The following PCDHGB4 variants were observed in gnomAD, a reference collection of about 807,000 sequenced individuals.
The protein encoded by PCDHGB4 is protocadherin gamma subfamily B, 4.
In PCDHGB4, 38 loss-of-function variants were observed where a neutral mutation model predicts 60.5. That is an observed-to-expected ratio of 0.63 (90% CI 0.48 to 0.82). The LOEUF (loss-of-function observed/expected upper bound fraction) is 0.82. Ranked by LOEUF, PCDHGB4 falls within the 40% of genes least tolerant of loss-of-function variation. The probability of loss-of-function intolerance (pLI) is 0.00; values close to 1 mark genes in which losing one functional copy is unlikely to be tolerated. For synonymous variants in PCDHGB4, 456 were observed against 509.7 expected (o/e 0.89, Z 1.42); for missense variants, 1,109 against 1,209.6 (o/e 0.92, Z 1.23).
chr5:141,469,284 A>G lies in PCDHGB4; in HGVS notation c.2398-25523A>G, dbSNP rs192391622. On this transcript the variant is annotated intron_variant, in intron 1 of 3. Transcript: ENST00000519479. ...AGAGCAAGACCCCATCTCAAAAAAT[A>G]AAACAAAATAGACTGGGCACGATGG... Among the ~76,000 whole-genome samples, 595 of 152,012 alleles carry G rather than the reference A, an allele frequency of 3.9e-3. 6 individuals are homozygous for G. The highest frequency in any genetic ancestry group is 0.011 in the Admixed American group (171 of 15,260).
chr5:141,474,405 G>C (rs2099348833), intron 1 of PCDHGB4, among the ~76,000 whole-genome samples: 1 of 152,196 alleles, frequency 6.6e-6, no homozygotes, highest in Admixed American at 6.5e-5. Context: ...AAGCTCCCCG[G>C]TGATGCCTAG....
chr5:141,414,413 C>T, intron 1 of PCDHGB4: 1 of 1,613,830 alleles, frequency 6.2e-7, no homozygotes. Flanking sequence ...ATACACAGAG[C>T]CCTTGACAGG....
intron 1 of PCDHGB4, among the ~76,000 whole-genome samples, chr5:141,473,350 G>A (rs28461214): frequency 0.13 from 19,833 of 152,204 alleles, 1,410 homozygotes; most frequent in African/African-American, 0.17. Context: ...CAGTGAGGAT[G>A]CAAGTGGCCA....
chr5:141,467,878 C>T (rs937986234), intron 1 of PCDHGB4, among the ~76,000 whole-genome samples: 8 of 151,998 alleles, frequency 5.3e-5, no homozygotes, highest in Non-Finnish European at 7.4e-5. Flanking sequence ...AGGCTGGTCT[C>T]AAACTCCTGA....
At chr5:141,428,230 C>A in intron 1 of PCDHGB4, 1 of 1,073,982 alleles carries the variant, frequency 9.3e-7, no homozygotes, top group Non-Finnish European at 1.4e-6. Flanking sequence ...CGCAGACAGC[C>A]TGCAGGAGGC....
chr5:141,393,972 C>T, intron 1 of PCDHGB4: 1 of 1,613,790 alleles, frequency 6.2e-7, no homozygotes, highest in Non-Finnish European at 8.5e-7. Flanking sequence ...CTGTTACACA[C>T]GTGATAATTT....
rs1203060261 is a variant in PCDHGB4, at chr5:141,493,037, AG to A, written c.2398-1768del. 3.3e-5 allele frequency among the ~76,000 whole-genome samples: 5 copies of A among 152,252 alleles called. No individual in the cohort carries two copies. The highest frequency in any genetic ancestry group is 2.6e-4 in the Admixed American group (4 of 15,290). ...AGATGCCAGGGTGCCCTTATGTGTG[AG>A]GAAACTACAATAGTAAAAAACACAA... is the stretch of plus-strand genomic sequence containing the variant. On this transcript the variant is annotated intron_variant, in intron 1 of 3. Transcript: ENST00000519479. This position sits in a 1 kb window ranked among gnomAD's most constrained non-coding sequence, Gnocchi z 4.3.
At chr5:141,472,003 A>T (rs1450802255) in intron 1 of PCDHGB4, among the ~76,000 whole-genome samples, 1 of 152,176 alleles carries the variant, frequency 6.6e-6, no homozygotes, top group Non-Finnish European at 1.5e-5. Context: ...CCTGCATCGT[A>T]TAGGGGCACT....
At chr5:141,398,267 T>G (rs757957397) in intron 1 of PCDHGB4, 2 of 1,435,108 alleles carry the variant, frequency 1.4e-6, no homozygotes, top group East Asian at 2.5e-5. Context: ...GGCTCCGTAG[T>G]GGGGAACCTC....
In PCDHGB4 at chr5:141,486,913, G is replaced by A. The variant is rs2099636995; in HGVS notation, c.2398-7894G>A. ...CTGGTTCCTTATGTCCCCAAGCACT[G>A]CCTCCATCAGTTGGTGCTGGCCACC... On this transcript the variant is annotated intron_variant, in intron 1 of 3. Transcript: ENST00000519479. The surrounding 1 kb of genome is among the most constrained non-coding windows in gnomAD (Gnocchi z 5.0). The A allele has an allele frequency of 1.9e-6, 3 of 1,614,092 alleles. No individual in the cohort carries two copies. The highest frequency in any genetic ancestry group is 1.3e-5 in the African/African-American group (1 of 74,938).
At chr5:141,394,850 G>GC in intron 1 of PCDHGB4, 1 of 1,613,820 alleles carries the variant, frequency 6.2e-7, no homozygotes. Flanking sequence ...GCAGTCTGAA[G>GC]CCTTCGGTCG....
chr5:141,422,062 A>C, intron 1 of PCDHGB4: 4 of 1,612,140 alleles, frequency 2.5e-6, no homozygotes, highest in Non-Finnish European at 3.4e-6. Context: ...CGGGGAAGTA[A>C]TGTATTCATT....
Position 141,389,274 on chromosome 5 carries a change from C to A in PCDHGB4, c.1390C>A (p.Pro464Thr). ...SYIVHVAENNPPGASISQVRA... is the reference protein window; with the variant it reads ...SYIVHVAENNTPGASISQVRA... ...TATAGTCCACGTGGCCGAGAACAAC[C>A]CGCCTGGAGCCTCTATTTCACAAGT... Residue 464 changes from proline to threonine, a missense_variant, in exon 1 of 4, where the codon CCG (proline) becomes ACG (threonine). This residue lies in a region of PCDHGB4 where 1,068 missense variants were observed against 1,089.9 expected (regional missense o/e 0.98). Coordinates refer to ENST00000519479, the MANE Select transcript of PCDHGB4 (RefSeq NM_003736.4). The A allele has an allele frequency of 6.2e-7, 1 of 1,614,032 alleles. No individual in the cohort carries two copies. Among genetic ancestry groups the A allele is most frequent in the Non-Finnish European group, 8.5e-7 (1 of 1,179,906 alleles).
intron 1 of PCDHGB4, chr5:141,409,175 G>T: frequency 6.2e-7 from 1 of 1,614,008 alleles, no homozygotes; most frequent in Non-Finnish European, 8.5e-7. Flanking sequence ...GAAGGACGGA[G>T]GTGGTCTCTC....
At chr5:141,393,277 C>T (rs749579658) in intron 1 of PCDHGB4, 4 of 1,613,844 alleles carry the variant, frequency 2.5e-6, no homozygotes, top group Non-Finnish European at 3.4e-6. Flanking sequence ...TATCCACTCC[C>T]AGAAGCTGTT....
chr5:141,476,897 A>G lies in PCDHGB4; in HGVS notation c.2398-17910A>G. ...CGTCCTGGAGGATGCACCCTCCGGC[A>G]CGCGCGTGGTACAAGTCCTTGCAAC... On this transcript the variant is annotated intron_variant, in intron 1 of 3. Coordinates refer to ENST00000519479, the MANE Select transcript of PCDHGB4 (RefSeq NM_003736.4). The surrounding 1 kb of genome is among the most constrained non-coding windows in gnomAD (Gnocchi z 7.6). 1 of 1,613,938 alleles carries G rather than the reference A, an allele frequency of 6.2e-7. No individual in the cohort carries two copies. Among genetic ancestry groups the G allele is most frequent in the Non-Finnish European group, 8.5e-7 (1 of 1,180,012 alleles).
In PCDHGB4 at chr5:141,487,186, A is replaced by G; in HGVS notation, c.2398-7621A>G. 4 of 1,613,760 alleles carry G rather than the reference A, an allele frequency of 2.5e-6. No individual in the cohort carries two copies. The highest frequency in any genetic ancestry group is 2.5e-6 in the Non-Finnish European group (3 of 1,179,662). ...TGTCCTTAGAGGAAGACACTCATCC[A>G]GTTGTCCCAGATCTTCGAGAATCTT... is the stretch of plus-strand genomic sequence containing the variant. On this transcript the variant is annotated intron_variant, in intron 1 of 3. Coordinates refer to ENST00000519479, the MANE Select transcript of PCDHGB4 (RefSeq NM_003736.4). This position sits in a 1 kb window ranked among gnomAD's most constrained non-coding sequence, Gnocchi z 5.0.
chr5:141,421,904 C>T (rs1561797509), intron 1 of PCDHGB4: 1 of 1,613,734 alleles, frequency 6.2e-7, no homozygotes, highest in Admixed American at 1.7e-5. Flanking sequence ...CGAAAGGGCG[C>T]AGTTCCCATT....
rs147783721 is a variant in PCDHGB4 at position 141,404,989 on chromosome 5, G to A, written c.2397+14708G>A. 5 of 1,614,046 alleles carry A rather than the reference G, an allele frequency of 3.1e-6. No homozygotes were observed. The South Asian group carries it at 4.4e-5, about 14-fold the overall frequency. On this transcript the variant is annotated intron_variant, in intron 1 of 3. Coordinates refer to ENST00000519479, the MANE Select transcript of PCDHGB4 (RefSeq NM_003736.4). The stretch of plus-strand genomic sequence containing the variant: ...TCCTGGCTGACCTGGGCAGTCTTCA[G>A]ATCCCTGCAGACCTGGAGGCCTCAG...
Sources: gnomAD v4.1 joint callset for allele counts (sites outside exome capture counted in the v4.1 genomes callset) on GRCh38, gnomAD v4.1.1 for gene constraint, gnomAD v4.1.1 regional missense constraint, Gnocchi (gnomAD v3.1) non-coding constraint, MANE v1.5 for transcripts, NCBI Gene and HGNC (gene_info 2026-07-23, HGNC 2026-07-21) for gene names.